The following LUZP2 variants were observed in gnomAD, a reference collection of about 807,000 sequenced individuals.
The protein encoded by LUZP2 is leucine zipper protein 2.
A neutral mutation model predicts 51.6 loss-of-function variants in LUZP2; 52 were observed. The ratio of observed to expected loss-of-function variants is 1.01; its 90% CI spans 0.81 to 1.27. The LOEUF (loss-of-function observed/expected upper bound fraction) is 1.27. Ranked by LOEUF, LUZP2 falls within the 50% of genes most tolerant of loss-of-function variation. The probability of loss-of-function intolerance (pLI) is 0.00; values close to 1 mark genes in which losing one functional copy is unlikely to be tolerated. For missense variants in LUZP2, 436 were observed against 395.4 expected (o/e 1.10, Z -0.87); for synonymous variants, 154 against 137.3 (o/e 1.12, Z -0.85).
At chr11:24,602,393 C>CAT (rs1853764794) in intron 1 of LUZP2, among the ~76,000 whole-genome samples, 1 of 140,540 alleles carries the variant, frequency 7.1e-6, no homozygotes, top group African/African-American at 2.8e-5. Context: ...TATATACACA[C>CAT]ACACACACAC....
intron 1 of LUZP2, among the ~76,000 whole-genome samples, chr11:24,663,344 A>G (rs1472825047): frequency 6.6e-6 from 1 of 152,092 alleles, no homozygotes; most frequent in East Asian, 1.9e-4. Flanking sequence ...TCATCATAAG[A>G]CATGTTTGCT....
At chr11:24,502,807 C>T (rs530538778) in intron 1 of LUZP2, among the ~76,000 whole-genome samples, 16 of 152,168 alleles carry the variant, frequency 1.1e-4, no homozygotes, top group African/African-American at 3.9e-4. Context: ...GTTTGTATAC[C>T]TAATTAAAAT....
At chr11:24,511,561 A>C (rs886465383) in intron 1 of LUZP2, among the ~76,000 whole-genome samples, 4 of 152,138 alleles carry the variant, frequency 2.6e-5, no homozygotes, top group African/African-American at 7.2e-5. Context: ...GAGTATTCAT[A>C]AGTAATAATC....
At chr11:24,904,014 A>G (rs555398416) in intron 5 of LUZP2, among the ~76,000 whole-genome samples, 172 of 152,214 alleles carry the variant, frequency 1.1e-3, no homozygotes, top group Non-Finnish European at 2.3e-3. Context: ...GCTGGATTAC[A>G]TAGTAATCAA....
intron 5 of LUZP2, among the ~76,000 whole-genome samples, chr11:24,889,838 A>G (rs181737075): frequency 2.2e-3 from 341 of 152,332 alleles, no homozygotes; most frequent in Non-Finnish European, 3.6e-3. Flanking sequence ...ATGGACATAC[A>G]TTATAATCAC....
chr11:24,901,386 T>C (rs1415484843), intron 5 of LUZP2, among the ~76,000 whole-genome samples: 1 of 140,644 alleles, frequency 7.1e-6, no homozygotes, highest in Admixed American at 7.5e-5. Context: ...ACTTTGACCC[T>C]TACCTCACTT....
intron 1 of LUZP2, among the ~76,000 whole-genome samples, chr11:24,534,496 G>A (rs1388869443): frequency 7.4e-6 from 1 of 135,538 alleles, no homozygotes; most frequent in Non-Finnish European, 1.6e-5. Context: ...TATATAGAAA[G>A]CATATATAGA....
intron 6 of LUZP2, among the ~76,000 whole-genome samples, chr11:24,912,986 T>G (rs966884893): frequency 5.4e-4 from 83 of 152,322 alleles, no homozygotes; most frequent in African/African-American, 1.8e-3. Flanking sequence ...CATGTAATAG[T>G]GACATAAGGA....
chr11:25,033,600 A>G (rs1357116876), intron 9 of LUZP2, among the ~76,000 whole-genome samples: 2 of 148,638 alleles, frequency 1.3e-5, no homozygotes, highest in African/African-American at 5.2e-5. Context: ...CAGTATCCAC[A>G]GTGTCTATAA....
chr11:24,582,235 G>T (rs1852884641), intron 1 of LUZP2, among the ~76,000 whole-genome samples: 1 of 149,794 alleles, frequency 6.7e-6, no homozygotes, highest in Admixed American at 6.7e-5. Flanking sequence ...TTTTCCAGGT[G>T]TGTCTGAGAC....
intron 1 of LUZP2, among the ~76,000 whole-genome samples, chr11:24,563,976 C>G (rs1337731221): frequency 2.0e-5 from 3 of 151,946 alleles, no homozygotes; most frequent in Non-Finnish European, 4.4e-5. Context: ...AAAATTAAAG[C>G]CTAGGAAAAG....
intron 9 of LUZP2, among the ~76,000 whole-genome samples, chr11:25,004,762 T>A (rs982406678): frequency 6.6e-6 from 1 of 152,144 alleles, no homozygotes; most frequent in African/African-American, 2.4e-5. Flanking sequence ...AGTTTACAAC[T>A]CCAGTCCCCA....
chr11:24,538,953 A>G (rs1446525289), intron 1 of LUZP2, among the ~76,000 whole-genome samples: 5 of 151,882 alleles, frequency 3.3e-5, no homozygotes, highest in Non-Finnish European at 7.4e-5. Flanking sequence ...GATTATATAT[A>G]ATTTTTCATT....
intron 8 of LUZP2, among the ~76,000 whole-genome samples, chr11:24,981,581 C>T (rs955321105): frequency 6.6e-6 from 1 of 151,864 alleles, no homozygotes; most frequent in South Asian, 2.1e-4. Flanking sequence ...CTAAGCCCAG[C>T]CTCTATTCAA....
chr11:25,042,370 A>G (rs1224948210), intron 9 of LUZP2, among the ~76,000 whole-genome samples: 1 of 152,184 alleles, frequency 6.6e-6, no homozygotes, highest in Non-Finnish European at 1.5e-5. Context: ...ATGAATTTTG[A>G]GTACCATTTA....
At chr11:24,668,781 A>G (rs189619754) in intron 1 of LUZP2, among the ~76,000 whole-genome samples, 171 of 152,274 alleles carry the variant, frequency 1.1e-3, no homozygotes, top group East Asian at 1.9e-3. Flanking sequence ...AACTTCTCTC[A>G]TAAGAAATGA....
chr11:24,562,524 C>CTT (rs1852078357), intron 1 of LUZP2, among the ~76,000 whole-genome samples: 2 of 151,620 alleles, frequency 1.3e-5, no homozygotes, highest in South Asian at 4.2e-4. Flanking sequence ...AGATGTAAGT[C>CTT]TATCAGGGTA....
intron 9 of LUZP2, among the ~76,000 whole-genome samples, chr11:24,996,097 T>A (rs189952081): frequency 3.3e-5 from 5 of 151,410 alleles, no homozygotes; most frequent in Admixed American, 3.3e-4. Flanking sequence ...TTATCTATTA[T>A]AATATATTTA....
At chr11:24,689,214 T>G (rs578216271) in intron 1 of LUZP2, among the ~76,000 whole-genome samples, 4 of 152,318 alleles carry the variant, frequency 2.6e-5, no homozygotes, top group South Asian at 2.1e-4. Context: ...ATTGGCATGG[T>G]TCCAAGGTTT....
Sources: gnomAD v4.1 joint callset for allele counts (sites outside exome capture counted in the v4.1 genomes callset) on GRCh38, gnomAD v4.1.1 for gene constraint, MANE v1.5 for transcripts, NCBI Gene and HGNC (gene_info 2026-07-23, HGNC 2026-07-21) for gene names.